Variants in CLMN observed in about 807,000 individuals in gnomAD.
CLMN encodes calmin.
CLMN carries 57 observed loss-of-function variants against 92.7 expected under a neutral mutation model. The ratio of observed to expected loss-of-function variants is 0.61; its 90% CI spans 0.50 to 0.77. The LOEUF (loss-of-function observed/expected upper bound fraction) is 0.77, where lower values mean the gene tolerates loss of function less well. Ranked by LOEUF, CLMN falls within the 30% of genes least tolerant of loss-of-function variation. The pLI, the probability that CLMN is intolerant of heterozygous loss-of-function variation, is 0.00. For synonymous variants in CLMN, 466 were observed against 470.6 expected, an observed-to-expected ratio of 0.99 and a Z score of 0.13; for missense variants, 1,158 against 1,237.5, an observed-to-expected ratio of 0.94 and a Z score of 0.96.
At chr14:95,301,903 T>A (rs1901072169) in intron 1 of CLMN, among the ~76,000 whole-genome samples, 1 of 152,208 alleles carries the variant, frequency 6.6e-6, no homozygotes, top group South Asian at 2.1e-4. Context: ...GGTCCCTGAG[T>A]GCAGACACCA....
Position 95,191,538 on chromosome 14 carries a change from TC to T in CLMN, c.*25del. The T allele has an allele frequency of 6.3e-7, 1 of 1,592,580 alleles. No individual in the cohort carries two copies. On this transcript the variant is annotated 3_prime_UTR_variant, in exon 13 of 13. Coordinates refer to ENST00000298912, the MANE Select transcript of CLMN (RefSeq NM_024734.4). This position sits in a 1 kb window ranked among gnomAD's most constrained non-coding sequence, Gnocchi z 5.3. The stretch of plus-strand genomic sequence containing the variant: ...AACCCCGCCCCTGGTCAGGGTCCTG[TC>T]TTTTTTATTATCCAGACACACGTAT...
At chr14:95,249,255 ACTG>A (rs1181131173) in intron 1 of CLMN, among the ~76,000 whole-genome samples, 2 of 152,140 alleles carry the variant, frequency 1.3e-5, no homozygotes, top group African/African-American at 2.4e-5. Context: ...AGCCGTTGTC[ACTG>A]CTATTTATCT....
At chr14:95,290,564 T>A (rs1224238914) in intron 1 of CLMN, among the ~76,000 whole-genome samples, 1 of 152,158 alleles carries the variant, frequency 6.6e-6, no homozygotes, top group Non-Finnish European at 1.5e-5. Context: ...CCAACAAATA[T>A]GAGGGCCCTC....
intron 1 of CLMN, among the ~76,000 whole-genome samples, chr14:95,245,213 T>TATATATATAATATATATATATA (rs1898456715): frequency 3.1e-5 from 1 of 31,762 alleles, no homozygotes; most frequent in Non-Finnish European, 4.9e-5. Flanking sequence ...ATATATTATA[T>TATATATATAATATATATATATA]ATATATATAT....
intron 1 of CLMN, among the ~76,000 whole-genome samples, chr14:95,248,580 T>C (rs913450879): frequency 2.6e-5 from 4 of 152,208 alleles, no homozygotes; most frequent in Non-Finnish European, 4.4e-5. Context: ...AGGAAATCAT[T>C]AGCAGAAGTA....
intron 1 of CLMN, among the ~76,000 whole-genome samples, chr14:95,235,671 C>T (rs1475167790): frequency 2.6e-5 from 4 of 152,196 alleles, no homozygotes; most frequent in African/African-American, 9.7e-5. Context: ...TACAGTTGGA[C>T]AGAATCTGAT....
intron 1 of CLMN, among the ~76,000 whole-genome samples, chr14:95,251,083 T>C (rs1197238600): frequency 6.6e-6 from 1 of 152,176 alleles, no homozygotes; most frequent in Non-Finnish European, 1.5e-5. Context: ...GTGCACTTTT[T>C]ATTTCCCATG....
chr14:95,295,016 T>A (rs1900746649), intron 1 of CLMN, among the ~76,000 whole-genome samples: 1 of 152,248 alleles, frequency 6.6e-6, no homozygotes, highest in African/African-American at 2.4e-5. Flanking sequence ...AGCTCCCTGC[T>A]GCTGGGAGCC....
At chr14:95,230,201 C>A in intron 1 of CLMN, 68 bp from the exon 2 acceptor site, 1 of 1,386,822 alleles carries the variant, frequency 7.2e-7, no homozygotes. Context: ...CTTCCCCTTC[C>A]CAAGGGGAGA....
intron 6 of CLMN, 82 bp from the exon 7 acceptor site, chr14:95,210,961 G>A (rs767240209): frequency 5.5e-5 from 78 of 1,426,118 alleles, no homozygotes; most frequent in African/African-American, 1.9e-4. Flanking sequence ...CAGCAGCCGC[G>A]TGAGTTTTTG....
At chr14:95,277,568 A>G (rs1326921670) in intron 1 of CLMN, among the ~76,000 whole-genome samples, 1 of 152,368 alleles carries the variant, frequency 6.6e-6, no homozygotes, top group African/African-American at 2.4e-5. Flanking sequence ...GGGGAGGTCA[A>G]TGGAGACTGC....
Position 95,289,375 on chromosome 14 carries a change from C to T in CLMN, c.82+30336G>A, listed in dbSNP as rs141640698. On this transcript the variant is annotated intron_variant, in intron 1 of 12. Transcript: ENST00000298912. ...AGGTGTGGTGGGGCGTGCCTGTAGT[C>T]CCAGCTACGTGGGAGGCTGAGGCAT... Among the ~76,000 whole-genome samples, 338 of 152,016 alleles carry T rather than the reference C, an allele frequency of 2.2e-3. 1 individual carries two copies. Among genetic ancestry groups the T allele is most frequent in the South Asian group, 0.012 (56 of 4,802 alleles).
intron 4 of CLMN, among the ~76,000 whole-genome samples, chr14:95,218,685 C>G (rs938233386): frequency 6.6e-6 from 1 of 152,208 alleles, no homozygotes; most frequent in Non-Finnish European, 1.5e-5. Flanking sequence ...CTGGCTCACT[C>G]CCCTGGGCTT....
At chr14:95,276,732 A>G (rs941334492) in intron 1 of CLMN, among the ~76,000 whole-genome samples, 2 of 152,106 alleles carry the variant, frequency 1.3e-5, no homozygotes, top group Non-Finnish European at 2.9e-5. Context: ...CTTTGAATGG[A>G]TTAAAGACAA....
intron 1 of CLMN, among the ~76,000 whole-genome samples, chr14:95,258,537 ATG>A (rs1341174906): frequency 8.1e-6 from 1 of 123,938 alleles, no homozygotes; most frequent in Non-Finnish European, 1.6e-5. Flanking sequence ...TGTGCGGAGG[ATG>A]TGTTTGTATG....
chr14:95,205,073 T>G (rs1032979021), intron 8 of CLMN, among the ~76,000 whole-genome samples: 2 of 152,194 alleles, frequency 1.3e-5, no homozygotes, highest in South Asian at 2.1e-4. Flanking sequence ...TGACTCCCAA[T>G]GCACCGATAG....
intron 1 of CLMN, chr14:95,307,548 T>A (rs997700084): frequency 6.6e-6 from 1 of 152,276 alleles, no homozygotes; most frequent in Non-Finnish European, 1.5e-5. Context: ...CCCCTACGGG[T>A]CAGCAATCAC....
chr14:95,196,596 A>G lies in CLMN; in HGVS notation c.2610T>C (p.His870=), dbSNP rs758249174. Reference sequence around the variant, plus strand: ...ATAGTGAACTTTCTACGTGGTCCACATGTTTCCTTTTTTCCTTTTTTTTAC... The same window carrying G: ...ATAGTGAACTTTCTACGTGGTCCACGTGTTTCCTTTTTTCCTTTTTTTTAC... ...ISSKKKEKRK[H]VDHVESSLFV... The change falls in exon 10 of 13, where the codon CAT becomes CAC. Residue 870 remains histidine (H), a synonymous_variant. Transcript: ENST00000298912. The G allele has an allele frequency of 1.9e-6, 3 of 1,613,900 alleles. No individual in the cohort carries two copies. The highest frequency in any genetic ancestry group is 1.1e-5 in the South Asian group (1 of 91,076).
In CLMN at chr14:95,183,269, T is replaced by G. The variant is rs1395401537; in HGVS notation, c.*8295A>C. On this transcript the variant is annotated 3_prime_UTR_variant, in exon 13 of 13. Coordinates refer to ENST00000298912, the MANE Select transcript of CLMN (RefSeq NM_024734.4). Reference sequence around the variant, plus strand: ...CCAGAGTTTCCTTTAAAAAAGTGTCTAAATCCTTGCATGACATTTAGCAAT... The same window carrying G: ...CCAGAGTTTCCTTTAAAAAAGTGTCGAAATCCTTGCATGACATTTAGCAAT... 6.6e-6 allele frequency: 1 copy of G among 152,260 alleles called. No homozygotes were observed. 9.4% of individuals were successfully genotyped at this position (152,260 alleles called of 1,614,324 possible).
Sources: allele counts gnomAD v4.1 joint callset (sites outside exome capture counted in the v4.1 genomes callset), GRCh38; gene constraint gnomAD v4.1.1; non-coding constraint Gnocchi (gnomAD v3.1); transcripts MANE v1.5; gene names NCBI Gene and HGNC (gene_info 2026-07-23, HGNC 2026-07-21).